SLC24A2: variants seen among roughly 807,000 people sequenced by gnomAD.
SLC24A2 encodes sodium/potassium/calcium exchanger 2.
In SLC24A2, 36 loss-of-function variants were observed where a neutral mutation model predicts 62.0. The observed-to-expected ratio is 0.58, with a 90% CI of 0.44 to 0.77. The LOEUF is 0.77. Ranked by LOEUF, SLC24A2 falls within the 30% of genes least tolerant of loss-of-function variation. SLC24A2 has a pLI of 0.00. For missense variants in SLC24A2, 846 were observed against 817.9 expected (o/e 1.03, Z -0.42); for synonymous variants, 358 against 294.0 (o/e 1.22, Z -2.23).
the SLC24A2 span, among the ~76,000 whole-genome samples, chr9:20,083,415 G>A: frequency 6.6e-4 from 101 of 152,326 alleles, no homozygotes; most frequent in Non-Finnish European, 1.3e-3. Context: ...CCTGAAAAAA[G>A]GTGGAAATAA....
chr9:19,706,486 T>A (rs1012053467), intron 2 of SLC24A2, among the ~76,000 whole-genome samples: 1 of 151,756 alleles, frequency 6.6e-6, no homozygotes, highest in Non-Finnish European at 1.5e-5. Context: ...TTCACGCCAT[T>A]CTCCTGCCTC....
the SLC24A2 span, among the ~76,000 whole-genome samples, chr9:20,202,480 G>T: frequency 6.6e-6 from 1 of 152,230 alleles, no homozygotes; most frequent in Non-Finnish European, 1.5e-5. Flanking sequence ...CCAGAATTCA[G>T]TGAGGCTGTT....
chr9:19,985,083 A>C, the SLC24A2 span, among the ~76,000 whole-genome samples: 1 of 152,212 alleles, frequency 6.6e-6, no homozygotes, highest in Non-Finnish European at 1.5e-5. Flanking sequence ...TGACAATAAC[A>C]AATATTGAGG....
chr9:20,176,245 C>A, the SLC24A2 span, among the ~76,000 whole-genome samples: 2 of 151,932 alleles, frequency 1.3e-5, no homozygotes, highest in South Asian at 4.2e-4. Flanking sequence ...TCTATTTGCC[C>A]CAATTGAGCC....
At chr9:19,950,219 G>C in the SLC24A2 span, among the ~76,000 whole-genome samples, 1 of 152,100 alleles carries the variant, frequency 6.6e-6, no homozygotes, top group African/African-American at 2.4e-5. Context: ...CTTCCTTATA[G>C]GGTTGTTGTA....
At chr9:20,084,670 T>A in the SLC24A2 span, among the ~76,000 whole-genome samples, 1 of 152,154 alleles carries the variant, frequency 6.6e-6, no homozygotes, top group Non-Finnish European at 1.5e-5. Flanking sequence ...AGTCTGGCTG[T>A]TCCCTGGGTA....
At chr9:19,550,031 A>T in intron 8 of SLC24A2, 106 bp downstream of exon 8, 1 of 1,142,440 alleles carries the variant, frequency 8.8e-7, no homozygotes, top group South Asian at 1.2e-5. Flanking sequence ...AGATTTTGAT[A>T]CAAGTGTACT....
the SLC24A2 span, among the ~76,000 whole-genome samples, chr9:20,064,544 G>T: frequency 6.6e-6 from 1 of 152,080 alleles, no homozygotes; most frequent in African/African-American, 2.4e-5. Flanking sequence ...TTTAGATGAG[G>T]TTGTTATTTA....
At chr9:19,667,533 T>C (rs1408903809) in intron 2 of SLC24A2, among the ~76,000 whole-genome samples, 2 of 152,170 alleles carry the variant, frequency 1.3e-5, no homozygotes, top group African/African-American at 4.8e-5. Context: ...GTTCTTGAAC[T>C]TCCATCATAG....
chr9:20,017,516 A>C, the SLC24A2 span, among the ~76,000 whole-genome samples: 6 of 152,164 alleles, frequency 3.9e-5, no homozygotes, highest in South Asian at 4.1e-4. Flanking sequence ...AGATGTACAT[A>C]TGAAAGGGTG....
chr9:19,793,894 T>A (rs927898440), upstream of SLC24A2, among the ~76,000 whole-genome samples: 1 of 152,238 alleles, frequency 6.6e-6, no homozygotes, highest in Non-Finnish European at 1.5e-5. Context: ...TTTGCTTATT[T>A]AAAAAAATCA....
chr9:19,521,522 T>C (rs1833199161), intron 9 of SLC24A2, among the ~76,000 whole-genome samples: 1 of 152,224 alleles, frequency 6.6e-6, no homozygotes, highest in Admixed American at 6.5e-5. Flanking sequence ...GTGTCTATAA[T>C]CTATTCTGAA....
chr9:20,163,431 G>A, the SLC24A2 span, among the ~76,000 whole-genome samples: 7 of 152,072 alleles, frequency 4.6e-5, no homozygotes, highest in African/African-American at 1.7e-4. Flanking sequence ...CAAGGGACGT[G>A]AAGGACCTCT....
At chr9:19,733,134 T>C (rs1821388917) in intron 2 of SLC24A2, among the ~76,000 whole-genome samples, 1 of 152,014 alleles carries the variant, frequency 6.6e-6, no homozygotes, top group Non-Finnish European at 1.5e-5. Context: ...CTGGATGGTA[T>C]CTTGGTCCAA....
chr9:19,709,180 A>G (rs1820633121), intron 2 of SLC24A2, among the ~76,000 whole-genome samples: 1 of 152,098 alleles, frequency 6.6e-6, no homozygotes, highest in African/African-American at 2.4e-5. Flanking sequence ...GCCATCAGAG[A>G]AATGCAAATC....
At chr9:19,771,146 T>C (rs1455037448) in intron 2 of SLC24A2, among the ~76,000 whole-genome samples, 1 of 152,212 alleles carries the variant, frequency 6.6e-6, no homozygotes, top group Non-Finnish European at 1.5e-5. Context: ...GCAATGAGCA[T>C]AACTGCCAAT....
At chr9:19,960,513 T>C in the SLC24A2 span, among the ~76,000 whole-genome samples, 2 of 152,166 alleles carry the variant, frequency 1.3e-5, no homozygotes, top group African/African-American at 4.8e-5. Context: ...TGGGCTGCTA[T>C]TGTGTGGGCT....
chr9:19,546,980 C>T (rs1201637767), intron 8 of SLC24A2, among the ~76,000 whole-genome samples: 1 of 152,066 alleles, frequency 6.6e-6, no homozygotes, highest in Non-Finnish European at 1.5e-5. Context: ...AGGCGACACC[C>T]CACACCCCAC....
intron 2 of SLC24A2, among the ~76,000 whole-genome samples, chr9:19,762,667 T>C (rs1167108898): frequency 6.6e-6 from 1 of 152,194 alleles, no homozygotes; most frequent in African/African-American, 2.4e-5. Context: ...CATTGGTCTA[T>C]ATATCTGTTT....
Sources: allele counts gnomAD v4.1 joint callset (sites outside exome capture counted in the v4.1 genomes callset), GRCh38; gene constraint gnomAD v4.1.1; transcripts MANE v1.5; gene names NCBI Gene and HGNC (gene_info 2026-07-23, HGNC 2026-07-21).